The following SLX4IP variants were observed in gnomAD, a reference collection of about 807,000 sequenced individuals.
SLX4IP encodes the protein SLX4 interacting protein, also known as protein SLX4IP.
A neutral mutation model predicts 32.9 loss-of-function variants in SLX4IP; 34 were observed. That is an observed-to-expected ratio of 1.03 (90% CI 0.79 to 1.38). The LOEUF is 1.38. Among genes scored for constraint, SLX4IP ranks in the 40% most tolerant of loss-of-function variants. SLX4IP has a pLI of 0.00. For missense variants in SLX4IP, 444 were observed against 479.0 expected (o/e 0.93, Z 0.68); for synonymous variants, 172 against 171.7 (o/e 1.00, Z -0.01).
chr20:10,463,714 C>T (rs2065357398), intron 2 of SLX4IP, among the ~76,000 whole-genome samples: 1 of 152,202 alleles, frequency 6.6e-6, no homozygotes, highest in African/African-American at 2.4e-5. Flanking sequence ...ATGCAACCCT[C>T]AGTTCTCAGT....
intron 2 of SLX4IP, among the ~76,000 whole-genome samples, chr20:10,484,945 A>C (rs1226554347): frequency 6.6e-6 from 1 of 152,090 alleles, no homozygotes; most frequent in African/African-American, 2.4e-5. Context: ...GGGAGAGTGC[A>C]CTCAGAAATG....
chr20:10,499,345 A>G (rs2065697113), intron 2 of SLX4IP, among the ~76,000 whole-genome samples: 1 of 152,214 alleles, frequency 6.6e-6, no homozygotes, highest in Non-Finnish European at 1.5e-5. Context: ...ACATGCATTT[A>G]CACAAATAAT....
intron 4 of SLX4IP, among the ~76,000 whole-genome samples, chr20:10,587,509 T>A (rs945617791): frequency 8.6e-5 from 13 of 152,022 alleles, no homozygotes; most frequent in Non-Finnish European, 1.6e-4. Flanking sequence ...GGTGAAAAAA[T>A]TGGAGATGAA....
At chr20:10,612,331 A>G (rs1181768936) in intron 6 of SLX4IP, among the ~76,000 whole-genome samples, 2 of 152,166 alleles carry the variant, frequency 1.3e-5, no homozygotes, top group Non-Finnish European at 2.9e-5. Flanking sequence ...CAAGCCAACA[A>G]TGAACATGAG....
In SLX4IP at chr20:10,508,119, G is replaced by A. The variant is rs191732610; in HGVS notation, c.28-48112G>A. Among the ~76,000 whole-genome samples, 452 of 152,280 alleles carry A rather than the reference G, an allele frequency of 3.0e-3. 2 individuals are homozygous for A. The highest frequency in any genetic ancestry group is 0.01 in the East Asian group (54 of 5,176). On this transcript the variant is annotated intron_variant, in intron 2 of 7. Coordinates refer to ENST00000334534, the MANE Select transcript of SLX4IP (RefSeq NM_001009608.3). ...ATCTGGGGGAAGGGGAGGTAGAGAAGAGAGCCAGCCTTATATGAGAGGACA... is the reference window on the plus strand; with the variant it reads ...ATCTGGGGGAAGGGGAGGTAGAGAAAAGAGCCAGCCTTATATGAGAGGACA...
chr20:10,595,173 A>G (rs1030037482), intron 4 of SLX4IP, among the ~76,000 whole-genome samples: 5 of 152,128 alleles, frequency 3.3e-5, no homozygotes, highest in Admixed American at 6.6e-5. Flanking sequence ...AAAAATATCA[A>G]TTGTTTCTGG....
chr20:10,618,638 C>T (rs780021449), intron 6 of SLX4IP, among the ~76,000 whole-genome samples: 1 of 152,146 alleles, frequency 6.6e-6, no homozygotes, highest in African/African-American at 2.4e-5. Context: ...ATGGCCAGCT[C>T]TTTGGTAGCC....
intron 2 of SLX4IP, among the ~76,000 whole-genome samples, chr20:10,489,316 C>T (rs952995011): frequency 2.0e-5 from 3 of 151,966 alleles, no homozygotes; most frequent in African/African-American, 7.3e-5. Context: ...GAGGAAACCA[C>T]CACCCCCCTC....
At chr20:10,491,000 C>T (rs966518703) in intron 2 of SLX4IP, among the ~76,000 whole-genome samples, 1 of 151,946 alleles carries the variant, frequency 6.6e-6, no homozygotes, top group Non-Finnish European at 1.5e-5. Flanking sequence ...CTCTCTTCCC[C>T]ATTCAGGATA....
intron 2 of SLX4IP, among the ~76,000 whole-genome samples, chr20:10,545,423 C>T (rs78240786): frequency 0.025 from 3,845 of 152,146 alleles, 95 homozygotes; most frequent in Admixed American, 0.085. Context: ...AGTTGACACC[C>T]GCTTTAAAAG....
intron 4 of SLX4IP, among the ~76,000 whole-genome samples, chr20:10,575,243 A>G (rs143509898): frequency 6.6e-6 from 1 of 152,270 alleles, no homozygotes; most frequent in Non-Finnish European, 1.5e-5. Flanking sequence ...TGACAACTGG[A>G]TGGGAGGCCT....
chr20:10,440,834 T>C (rs1040512987), intron 1 of SLX4IP, among the ~76,000 whole-genome samples: 6 of 152,358 alleles, frequency 3.9e-5, no homozygotes, highest in African/African-American at 1.2e-4. Context: ...GGATTGATCA[T>C]GTGCTGTTTG....
In SLX4IP at chr20:10,612,003, G is replaced by A. The variant is rs150455081; in HGVS notation, c.406-9311G>A. ...CATTTCTGCCCCTGACTACATGCAC[G>A]GCCTCAGTCTTTGTGGGTCTCATTC... On this transcript the variant is annotated intron_variant, in intron 6 of 7. Transcript: ENST00000334534. Among the ~76,000 whole-genome samples the A allele has an allele frequency of 3.2e-3, 482 of 152,232 alleles. 15 individuals carry two copies. Among genetic ancestry groups the A allele is most frequent in the Middle Eastern group, 6.8e-3 (2 of 294 alleles).
chr20:10,532,119 T>C (rs1374546348), intron 2 of SLX4IP, among the ~76,000 whole-genome samples: 2 of 152,162 alleles, frequency 1.3e-5, no homozygotes, highest in Non-Finnish European at 2.9e-5. Context: ...GTGGTCTCCA[T>C]AGTTGTGTAC....
intron 1 of SLX4IP, among the ~76,000 whole-genome samples, chr20:10,446,724 T>C (rs13038835): frequency 0.49 from 74,562 of 152,090 alleles, 19,750 homozygotes; most frequent in Non-Finnish European, 0.6. Flanking sequence ...CTAATGATGT[T>C]GAATATCTTT....
intron 1 of SLX4IP, among the ~76,000 whole-genome samples, chr20:10,441,464 T>C (rs1229454453): frequency 6.6e-6 from 1 of 152,042 alleles, no homozygotes; most frequent in African/African-American, 2.4e-5. Context: ...GAAAACCTAC[T>C]AAATTTTGCC....
chr20:10,485,484 G>A (rs1435424901), intron 2 of SLX4IP, among the ~76,000 whole-genome samples: 2 of 152,068 alleles, frequency 1.3e-5, no homozygotes, highest in Non-Finnish European at 2.9e-5. Context: ...GGGCATGGTA[G>A]TGCACACCTG....
chr20:10,547,600 T>A (rs1402737793), intron 2 of SLX4IP, among the ~76,000 whole-genome samples: 1 of 152,248 alleles, frequency 6.6e-6, no homozygotes, highest in Non-Finnish European at 1.5e-5. Flanking sequence ...TCTGCCTGAT[T>A]GACTGGAAAG....
In SLX4IP at chr20:10,624,323, C is replaced by T. The variant is rs904105771; in HGVS notation, c.*944C>T. On this transcript the variant is annotated 3_prime_UTR_variant, in exon 8 of 8. Coordinates refer to ENST00000334534, the MANE Select transcript of SLX4IP (RefSeq NM_001009608.3). ...GGGACAGACTATAACCTAACAGGAA[C>T]TCAGTGACCAGGTTCCAGTTTCCCA... 1.6e-4 allele frequency: 24 copies of T among 152,226 alleles called. 1 individual carries two copies. Among genetic ancestry groups the T allele is most frequent in the Non-Finnish European group, 4.4e-5 (3 of 68,036 alleles). The allele number at this position is 152,226 out of a possible 1,614,324, so 9.4% of individuals were successfully genotyped here.
Sources: gnomAD v4.1 joint callset for allele counts (sites outside exome capture counted in the v4.1 genomes callset) on GRCh38, gnomAD v4.1.1 for gene constraint, MANE v1.5 for transcripts, NCBI Gene and HGNC (gene_info 2026-07-23, HGNC 2026-07-21) for gene names.